NEMP2: variants seen among roughly 807,000 people sequenced by gnomAD.
NEMP2 encodes the protein nuclear envelope integral membrane protein 2.
A neutral mutation model predicts 54.2 loss-of-function variants in NEMP2; 53 were observed. The ratio of observed to expected loss-of-function variants is 0.98; its 90% confidence interval spans 0.78 to 1.23. The LOEUF is 1.23. NEMP2 is among the 50% of genes most tolerant of loss of function. The pLI is 0.00. For missense variants in NEMP2, 455 were observed against 511.3 expected (o/e 0.89, Z 1.06); for synonymous variants, 197 against 190.3 (o/e 1.04, Z -0.29).
the NEMP2 span, among the ~76,000 whole-genome samples, chr2:190,473,512 G>T: frequency 2.0e-5 from 3 of 152,162 alleles, no homozygotes; most frequent in African/African-American, 7.2e-5. Context: ...AATTCAACAA[G>T]AAGAGCTAAC....
rs570864754 is a variant in NEMP2 at position 190,506,632 on chromosome 2, T to G, written c.*2557A>C. 150 of 152,334 alleles carry G rather than the reference T, an allele frequency of 9.8e-4. No individual in the cohort carries two copies. Among genetic ancestry groups the G allele is most frequent in the Middle Eastern group, 3.4e-3 (1 of 294 alleles). 9.4% of individuals were successfully genotyped at this position (152,334 alleles called of 1,614,324 possible). On this transcript the variant is annotated 3_prime_UTR_variant, in exon 9 of 9. Transcript: ENST00000409150. This position sits in a 1 kb window ranked among gnomAD's most constrained non-coding sequence, Gnocchi z 6.3. ...AGGTATTACTGGCAAACCATACAAC[T>G]AATTCACAAAGCATTTTTTGTGATA... is the stretch of plus-strand genomic sequence containing the variant.
At chr2:190,643,676 C>G in the NEMP2 span, among the ~76,000 whole-genome samples, 1 of 152,164 alleles carries the variant, frequency 6.6e-6, no homozygotes, top group Non-Finnish European at 1.5e-5. Context: ...TTTCTTGCAC[C>G]ACTAAAATAG....
chr2:190,576,036 G>A, the NEMP2 span, among the ~76,000 whole-genome samples: 2 of 150,542 alleles, frequency 1.3e-5, no homozygotes, highest in Non-Finnish European at 1.5e-5. Flanking sequence ...ATGCACAATC[G>A]TGGTTTACTG....
chr2:190,622,360 G>C, the NEMP2 span, among the ~76,000 whole-genome samples: 6 of 148,584 alleles, frequency 4.0e-5, no homozygotes, highest in Non-Finnish European at 6.0e-5. Context: ...GTGAGCTATA[G>C]TCATGCCACA....
At chr2:190,536,223 A>T (rs1219326447), upstream of NEMP2, among the ~76,000 whole-genome samples, 1 of 152,180 alleles carries the variant, frequency 6.6e-6, no homozygotes, top group African/African-American at 2.4e-5. Context: ...CAATCATGAA[A>T]TTCCACTTAA....
the NEMP2 span, among the ~76,000 whole-genome samples, chr2:190,579,220 C>A: frequency 2.6e-5 from 4 of 151,758 alleles, no homozygotes; most frequent in Non-Finnish European, 4.4e-5. Flanking sequence ...AGAAAGAAAA[C>A]ATCAGCTAGA....
In NEMP2 at chr2:190,513,474, T is replaced by A. The variant is rs1473825058; in HGVS notation, c.953+979A>T. Among the ~76,000 whole-genome samples the A allele has an allele frequency of 6.6e-6, 1 of 152,154 alleles. No individual in the cohort carries two copies. The highest frequency in any genetic ancestry group is 1.5e-5 in the Non-Finnish European group (1 of 68,030). On this transcript the variant is annotated intron_variant, in intron 7 of 8. Transcript: ENST00000409150. This position sits in a 1 kb window ranked among gnomAD's most constrained non-coding sequence, Gnocchi z 5.3. ...TCACTCACCATAGTATCTGCCTGGG[T>A]CCTAAGCAACTGGTTTGATAACTGC...
At chr2:190,644,464 G>A in the NEMP2 span, among the ~76,000 whole-genome samples, 1 of 152,132 alleles carries the variant, frequency 6.6e-6, no homozygotes, top group Non-Finnish European at 1.5e-5. This position sits in a 1 kb window ranked among gnomAD's most constrained non-coding sequence, Gnocchi z 4.4. Context: ...ATTGTCAGTG[G>A]CATACATTAT....
intron 7 of NEMP2, among the ~76,000 whole-genome samples, chr2:190,511,714 C>A (rs1224506482): frequency 1.3e-5 from 2 of 150,802 alleles, no homozygotes; most frequent in African/African-American, 4.9e-5. Context: ...GCCACCACGC[C>A]CGGCTAATTT....
chr2:190,641,803 G>A, the NEMP2 span, among the ~76,000 whole-genome samples: 1 of 152,186 alleles, frequency 6.6e-6, no homozygotes, highest in Non-Finnish European at 1.5e-5. Context: ...AAAAGGGAAG[G>A]AGTGGGAAGA....
chr2:190,490,457 G>T, the NEMP2 span, among the ~76,000 whole-genome samples: 17 of 152,162 alleles, frequency 1.1e-4, no homozygotes, highest in African/African-American at 3.6e-4. The surrounding 1 kb of genome is among the most constrained non-coding windows in gnomAD (Gnocchi z 4.5). Context: ...CAGCTACTCA[G>T]GAGGCTGAGG....
At chr2:190,449,382 G>C in the NEMP2 span, among the ~76,000 whole-genome samples, 1 of 152,050 alleles carries the variant, frequency 6.6e-6, no homozygotes, top group Non-Finnish European at 1.5e-5. Context: ...GCTGAGGCAG[G>C]AGAATCACTT....
downstream of NEMP2, chr2:190,500,622 C>G (rs1689980853): frequency 6.0e-6 from 1 of 166,068 alleles, no homozygotes; most frequent in Non-Finnish European, 1.3e-5. The surrounding 1 kb of genome is among the most constrained non-coding windows in gnomAD (Gnocchi z 5.3). Context: ...TATTTGGTTC[C>G]TAACACAAAC....
the NEMP2 span, among the ~76,000 whole-genome samples, chr2:190,644,462 T>A: frequency 2.6e-5 from 4 of 152,250 alleles, no homozygotes; most frequent in Non-Finnish European, 5.9e-5. The surrounding 1 kb of genome is among the most constrained non-coding windows in gnomAD (Gnocchi z 4.4). Context: ...ATATTGTCAG[T>A]GGCATACATT....
intron 5 of NEMP2, among the ~76,000 whole-genome samples, chr2:190,517,183 A>G (rs1189837369): frequency 3.3e-5 from 5 of 152,030 alleles, no homozygotes; most frequent in East Asian, 3.8e-4. Context: ...CAAGGCCCCA[A>G]TGGTTCAGCA....
At chr2:190,543,740 A>G in the NEMP2 span, among the ~76,000 whole-genome samples, 1 of 152,230 alleles carries the variant, frequency 6.6e-6, no homozygotes, top group Non-Finnish European at 1.5e-5. The surrounding 1 kb of genome is among the most constrained non-coding windows in gnomAD (Gnocchi z 4.7). Context: ...CAGCTTGCTT[A>G]TAACCCACCA....
chr2:190,448,667 T>C, the NEMP2 span, among the ~76,000 whole-genome samples: 4 of 152,224 alleles, frequency 2.6e-5, no homozygotes, highest in Non-Finnish European at 5.9e-5. Flanking sequence ...TTTAAATTTG[T>C]AGAGGAATAA....
chr2:190,426,605 A>C, the NEMP2 span, among the ~76,000 whole-genome samples: 2 of 152,168 alleles, frequency 1.3e-5, no homozygotes, highest in East Asian at 1.9e-4. The surrounding 1 kb of genome is among the most constrained non-coding windows in gnomAD (Gnocchi z 4.7). Context: ...CACAACAGGT[A>C]ACTTTTCAGC....
the NEMP2 span, among the ~76,000 whole-genome samples, chr2:190,629,369 T>C: frequency 6.6e-6 from 1 of 152,238 alleles, no homozygotes; most frequent in East Asian, 1.9e-4. Context: ...TGTTATAACA[T>C]GTCTGAAAAG....
Sources: gnomAD v4.1 joint callset for allele counts (sites outside exome capture counted in the v4.1 genomes callset) on GRCh38, gnomAD v4.1.1 for gene constraint, Gnocchi (gnomAD v3.1) non-coding constraint, MANE v1.5 for transcripts, NCBI Gene and HGNC (gene_info 2026-07-23, HGNC 2026-07-21) for gene names.